DMD: variants seen among roughly 807,000 people sequenced by gnomAD.
DMD encodes mutant dystrophin.
DMD carries 63 observed loss-of-function variants against 330.1 expected under a neutral mutation model. The observed-to-expected ratio is 0.19, with a 90% CI of 0.16 to 0.24. The LOEUF (loss-of-function observed/expected upper bound fraction) is 0.24, where lower values mean the gene tolerates loss of function less well. Among genes scored for constraint, DMD ranks in the 10% least tolerant of loss-of-function variants. The probability of loss-of-function intolerance (pLI) is 1.00; values close to 1 mark genes in which losing one functional copy is unlikely to be tolerated. For synonymous variants in DMD, 1,223 were observed against 959.8 expected (o/e 1.27, Z -5.07); for missense variants, 3,344 against 2,684.1 (o/e 1.25, Z -5.43).
At chrX:32,732,922 T>A (rs185307251) in intron 7 of DMD, among the ~76,000 whole-genome samples, 6,563 of 110,756 alleles carry the variant, frequency 0.059, 465 homozygotes, top group African/African-American at 0.21. Context: ...ATATTAACCT[T>A]AAATGTAAAT....
At chrX:31,711,684 C>T (rs941587597) in intron 52 of DMD, among the ~76,000 whole-genome samples, 1 of 109,943 alleles carries the variant, frequency 9.1e-6, no homozygotes, top group African/African-American at 3.3e-5. Context: ...AGAAAATACT[C>T]ATTGTAAGAG....
At chrX:33,314,083 A>G (rs979951242) in intron 1 of DMD, among the ~76,000 whole-genome samples, 1 of 108,723 alleles carries the variant, frequency 9.2e-6, no homozygotes, top group Non-Finnish European at 1.9e-5. Flanking sequence ...AGAAGTAAGC[A>G]TTTGGAAAGT....
intron 43 of DMD, among the ~76,000 whole-genome samples, chrX:32,273,574 C>A (rs2097373779): frequency 9.1e-6 from 1 of 110,266 alleles, no homozygotes; most frequent in South Asian, 3.9e-4. Flanking sequence ...GCCCCACTTG[C>A]AGCTTAGATG....
chrX:31,132,797 T>C (rs1301376033), intron 77 of DMD, among the ~76,000 whole-genome samples: 1 of 110,047 alleles, frequency 9.1e-6, no homozygotes, highest in Non-Finnish European at 1.9e-5. Context: ...TGTATGATCT[T>C]CTCATTATGA....
chrX:31,233,210 C>T (rs892337157), intron 63 of DMD, among the ~76,000 whole-genome samples: 2 of 111,815 alleles, frequency 1.8e-5, no homozygotes, highest in African/African-American at 6.5e-5. Flanking sequence ...TCACTGCTCT[C>T]TCCTGTTTTT....
intron 20 of DMD, 147 bp downstream of exon 20, chrX:32,491,130 G>T: frequency 1.4e-6 from 1 of 722,903 alleles, no homozygotes; most frequent in Non-Finnish European, 2.1e-6. Flanking sequence ...ACAGATTTCT[G>T]TTGCTTACAT....
intron 1 of DMD, among the ~76,000 whole-genome samples, chrX:33,242,579 T>C (rs966913075): frequency 3.6e-5 from 4 of 111,945 alleles, no homozygotes; most frequent in African/African-American, 1.3e-4. Context: ...CTTTTACATA[T>C]AATAACTTAT....
rs72466541 is a variant in DMD at position 31,178,829 on chromosome X, T to C, written c.10087-24A>G. On this transcript the variant is annotated intron_variant, in intron 69 of 78. Coordinates refer to ENST00000357033, the MANE Select transcript of DMD (RefSeq NM_004006.3). ...GTCTAAAAGGGAGATCATGGTGAGA[T>C]CAGATTTAGGACAGGATGATTTCAA... is the stretch of plus-strand genomic sequence containing the variant. 3.0e-3 allele frequency: 3,671 copies of C among 1,205,808 alleles called. 16 individuals are homozygous for C. Among genetic ancestry groups the C allele is most frequent in the Middle Eastern group, 0.016 (69 of 4,336 alleles).
At chrX:32,662,312 G>T (rs2060999671) in intron 9 of DMD, among the ~76,000 whole-genome samples, 1 of 110,963 alleles carries the variant, frequency 9.0e-6, no homozygotes, top group African/African-American at 3.3e-5. Flanking sequence ...TTAACATAAA[G>T]GTAAATTAAA....
chrX:31,478,185 G>T lies in DMD; in HGVS notation c.8858C>A (p.Ala2953Asp), dbSNP rs773941387. 8.3e-6 allele frequency: 10 copies of T among 1,210,738 alleles called. No homozygotes were observed. Among genetic ancestry groups the T allele is most frequent in the Admixed American group, 2.2e-5 (1 of 45,916 alleles). The change falls in exon 59 of 79, where the codon GCT (alanine) becomes GAT (aspartate). Residue 2953 changes from alanine (A) to aspartate (D), a missense_variant. By Grantham distance (126) the Ala-to-Asp change is moderately radical (BLOSUM62 -2). Transcript: ENST00000357033. ...CTGCCAGGATCCCTTGATCACCTCA[G>T]CTTGGCGCAGCTTGAGGTCCAGCTC... ...TDELDLKLRQ[A>D]EVIKGSWQPV... is the part of the protein sequence containing the mutation.
intron 44 of DMD, among the ~76,000 whole-genome samples, chrX:32,065,931 G>A (rs996462455): frequency 1.8e-5 from 2 of 110,421 alleles, no homozygotes; most frequent in African/African-American, 6.6e-5. Flanking sequence ...TTCTTTCCTC[G>A]ACAGTGAATC....
At chrX:33,122,088 C>T (rs143861190) in intron 1 of DMD, among the ~76,000 whole-genome samples, 3,750 of 111,062 alleles carry the variant, frequency 0.034, 171 homozygotes, top group African/African-American at 0.12. Context: ...TAGTCAGGCA[C>T]GGTGGTGCAT....
chrX:31,932,661 A>G (rs984493648), intron 45 of DMD, among the ~76,000 whole-genome samples: 1 of 111,608 alleles, frequency 9.0e-6, no homozygotes, highest in Non-Finnish European at 1.9e-5. Context: ...CAGGAGAATC[A>G]CTTGAACGTG....
At chrX:33,037,772 A>G (rs1182019499) in intron 1 of DMD, among the ~76,000 whole-genome samples, 1 of 112,464 alleles carries the variant, frequency 8.9e-6, no homozygotes, top group Non-Finnish European at 1.9e-5. Context: ...AAAACAAAAC[A>G]TGAGAGGGAG....
At chrX:31,330,215 C>CA (rs201278748) in intron 61 of DMD, among the ~76,000 whole-genome samples, 6,323 of 69,344 alleles carry the variant, frequency 0.091, 298 homozygotes, top group African/African-American at 0.21. Context: ...TATAAAAGTA[C>CA]AAAAAAAAAA....
intron 60 of DMD, among the ~76,000 whole-genome samples, chrX:31,366,486 A>AAAC (rs2059248315): frequency 9.9e-6 from 1 of 101,149 alleles, no homozygotes; most frequent in Non-Finnish European, 2.0e-5. Context: ...AAAAAAAAAA[A>AAAC]AAAAAAAAAA....
At position 32,480,669 on chromosome X, in the gene DMD, G is replaced by A. The variant is rs1415789474; in HGVS notation, c.2803+4250C>T. ...GCACACACAACTTGTGTACATATAC[G>A]TATATGTACACACAGCGTGTGTATA... On this transcript the variant is annotated intron_variant, in intron 21 of 78. Transcript: ENST00000357033. 4.6e-5 allele frequency among the ~76,000 whole-genome samples: 5 copies of A among 108,225 alleles called. No individual in the cohort carries two copies. The East Asian group carries it at 1.4e-3, about 31-fold the overall frequency. 94.0% of individuals were successfully genotyped at this position (108,225 alleles called of 115,157 possible). A position where few individuals can be genotyped will look rare whatever the true frequency, so the allele number is the denominator to read the frequency against.
chrX:33,331,089 A>G (rs1159225881), intron 1 of DMD, among the ~76,000 whole-genome samples: 2 of 112,190 alleles, frequency 1.8e-5, no homozygotes, highest in African/African-American at 3.2e-5. Flanking sequence ...TTATCAATAA[A>G]TATTTGTTGG....
At chrX:32,747,825 C>T (rs1295764276) in intron 7 of DMD, among the ~76,000 whole-genome samples, 1 of 108,909 alleles carries the variant, frequency 9.2e-6, no homozygotes, top group Non-Finnish European at 1.9e-5. Flanking sequence ...TGATGCAGGC[C>T]ACACTTTGAG....
Sources: gnomAD v4.1 joint callset for allele counts (sites outside exome capture counted in the v4.1 genomes callset) on GRCh38, gnomAD v4.1.1 for gene constraint, MANE v1.5 for transcripts, NCBI Gene and HGNC (gene_info 2026-07-23, HGNC 2026-07-21) for gene names.